The following ABL2 variants were observed in gnomAD, a reference collection of about 807,000 sequenced individuals.
ABL2 encodes tyrosine-protein kinase ABL2.
ABL2 carries 49 observed loss-of-function variants against 107.7 expected under a neutral mutation model. The ratio of observed to expected loss-of-function variants is 0.45; its 90% CI spans 0.36 to 0.58. The LOEUF is 0.58. Ranked by LOEUF, ABL2 falls within the 20% of genes least tolerant of loss-of-function variation. The pLI, the probability that ABL2 is intolerant of heterozygous loss-of-function variation, is 0.00. For synonymous variants in ABL2, 549 were observed against 548.6 expected, an observed-to-expected ratio of 1.00 and a Z score of -0.01; for missense variants, 1,245 against 1,457.0, an observed-to-expected ratio of 0.85 and a Z score of 2.37.
intron 1 of ABL2, among the ~76,000 whole-genome samples, chr1:179,189,565 C>T (rs1045284252): frequency 6.6e-6 from 1 of 152,158 alleles, no homozygotes; most frequent in African/African-American, 2.4e-5. Context: ...ACTAGGAAGT[C>T]GTTATGTACA....
At chr1:179,182,683 T>G (rs1660445144) in intron 1 of ABL2, among the ~76,000 whole-genome samples, 1 of 152,218 alleles carries the variant, frequency 6.6e-6, no homozygotes, top group Non-Finnish European at 1.5e-5. Flanking sequence ...TAATAGACAC[T>G]CATAAACCTT....
intron 1 of ABL2, among the ~76,000 whole-genome samples, chr1:179,162,214 A>C (rs188318092): frequency 3.9e-5 from 6 of 152,322 alleles, no homozygotes; most frequent in African/African-American, 1.2e-4. Flanking sequence ...TAAGATTGGA[A>C]AATGCTGAAT....
At chr1:179,173,420 T>C (rs1165285928) in intron 1 of ABL2, among the ~76,000 whole-genome samples, 2 of 137,076 alleles carry the variant, frequency 1.5e-5, no homozygotes, top group Non-Finnish European at 3.1e-5. Context: ...TGGAGTGCAA[T>C]GGCACGATCT....
chr1:179,180,604 G>A (rs929411640), intron 1 of ABL2, among the ~76,000 whole-genome samples: 2 of 152,140 alleles, frequency 1.3e-5, no homozygotes, highest in African/African-American at 2.4e-5. Context: ...GAGAGTTCCC[G>A]TGGCCAAGGT....
At chr1:179,124,305 T>C (rs1220029008) in intron 4 of ABL2, among the ~76,000 whole-genome samples, 2 of 150,974 alleles carry the variant, frequency 1.3e-5, no homozygotes, top group South Asian at 2.1e-4. Flanking sequence ...AAACAGAAAA[T>C]TGATAATTTT....
At chr1:179,110,739 G>A (rs1653973366) in intron 10 of ABL2, 2 of 1,613,290 alleles carry the variant, frequency 1.2e-6, no homozygotes, top group Non-Finnish European at 1.7e-6. Context: ...TGGATGTTTA[G>A]GTTGTTTCCA....
At chr1:179,217,499 A>G (rs1191118705) in intron 1 of ABL2, among the ~76,000 whole-genome samples, 1 of 151,536 alleles carries the variant, frequency 6.6e-6, no homozygotes, top group South Asian at 2.1e-4. Context: ...GATGGCATGC[A>G]CCTGTGGTCC....
intron 1 of ABL2, among the ~76,000 whole-genome samples, chr1:179,215,587 C>T (rs543149670): frequency 2.0e-5 from 3 of 151,810 alleles, no homozygotes; most frequent in East Asian, 3.9e-4. Flanking sequence ...ATCAGCTGGG[C>T]GTGGTGGCAC....
chr1:179,148,162 C>T (rs1180482960), intron 1 of ABL2, among the ~76,000 whole-genome samples: 1 of 151,818 alleles, frequency 6.6e-6, no homozygotes, highest in African/African-American at 2.4e-5. Flanking sequence ...CCTTAGCCTC[C>T]TGAGTAGCTG....
intron 1 of ABL2, chr1:179,184,003 A>G (rs1660540471): frequency 3.8e-6 from 1 of 266,560 alleles, no homozygotes; most frequent in Non-Finnish European, 7.4e-6. Flanking sequence ...ACAAAATGAA[A>G]TAGACAGGCT....
At chr1:179,204,672 G>A (rs1481976817) in intron 1 of ABL2, among the ~76,000 whole-genome samples, 4 of 152,004 alleles carry the variant, frequency 2.6e-5, no homozygotes, top group Admixed American at 6.5e-5. Context: ...GCTTGAACCT[G>A]AGAGGCAGAG....
chr1:179,164,320 T>A (rs983701023), intron 1 of ABL2, among the ~76,000 whole-genome samples: 2 of 152,204 alleles, frequency 1.3e-5, no homozygotes, highest in South Asian at 4.1e-4. Flanking sequence ...TATTATTGAA[T>A]AACTACAGAT....
chr1:179,113,671 G>C (rs573199762), intron 9 of ABL2, among the ~76,000 whole-genome samples: 1 of 152,324 alleles, frequency 6.6e-6, no homozygotes, highest in East Asian at 1.9e-4. Flanking sequence ...GCTCAAGCCT[G>C]TAATCCCAGC....
chr1:179,118,040 C>A (rs1412921072), intron 7 of ABL2, among the ~76,000 whole-genome samples: 1 of 152,002 alleles, frequency 6.6e-6, no homozygotes, highest in Non-Finnish European at 1.5e-5. Context: ...GTAATCCCAG[C>A]TACTCAGGAG....
At chr1:179,117,231 A>C in intron 8 of ABL2, 101 bp downstream of exon 8, 1 of 1,164,062 alleles carries the variant, frequency 8.6e-7, no homozygotes, top group South Asian at 1.3e-5. Context: ...TGGCAGGTAA[A>C]GGTAGAGGAT....
At chr1:179,210,540 A>G (rs1308250418) in intron 1 of ABL2, among the ~76,000 whole-genome samples, 1 of 151,020 alleles carries the variant, frequency 6.6e-6, no homozygotes, top group Non-Finnish European at 1.5e-5. Flanking sequence ...GCTTTAAGAG[A>G]AAAATTTTTA....
chr1:179,119,012 C>T (rs1389614745), intron 6 of ABL2, among the ~76,000 whole-genome samples: 2 of 152,104 alleles, frequency 1.3e-5, no homozygotes, highest in Non-Finnish European at 2.9e-5. Context: ...TGAGCAAAAG[C>T]AGAGTTACCT....
intron 8 of ABL2, 26 bp downstream of exon 8, chr1:179,117,306 C>G (rs967004728): frequency 6.2e-7 from 1 of 1,604,028 alleles, no homozygotes. Context: ...TAAAATGACA[C>G]AGAAAAAAGT....
At chr1:179,163,349 T>C (rs560231159) in intron 1 of ABL2, among the ~76,000 whole-genome samples, 1 of 152,286 alleles carries the variant, frequency 6.6e-6, no homozygotes, top group South Asian at 2.1e-4. Context: ...ACACTTACCA[T>C]AGGACCTGGC....
Sources: gnomAD v4.1 joint callset for allele counts (sites outside exome capture counted in the v4.1 genomes callset) on GRCh38, gnomAD v4.1.1 for gene constraint, MANE v1.5 for transcripts, NCBI Gene and HGNC (gene_info 2026-07-23, HGNC 2026-07-21) for gene names.